DIP2B: variants seen among roughly 807,000 people sequenced by gnomAD.
DIP2B encodes disco-interacting protein 2 homolog B.
A neutral mutation model predicts 198.0 loss-of-function variants in DIP2B; 76 were observed. The observed-to-expected ratio is 0.38, with a 90% confidence interval of 0.32 to 0.46. DIP2B has a LOEUF of 0.46. Among genes scored for constraint, DIP2B ranks in the 20% least tolerant of loss-of-function variants. The pLI is 0.99. For synonymous variants in DIP2B, 701 were observed against 739.1 expected, an observed-to-expected ratio of 0.95 and a Z score of 0.84; for missense variants, 1,559 against 1,978.4, an observed-to-expected ratio of 0.79 and a Z score of 4.02.
intron 10 of DIP2B, among the ~76,000 whole-genome samples, chr12:50,683,936 A>AC (rs1939088920): frequency 6.6e-6 from 1 of 151,940 alleles, no homozygotes; most frequent in South Asian, 2.1e-4. Flanking sequence ...ACATAGGGAG[A>AC]CCCCATCTCT....
At chr12:50,712,032 G>T (rs1330815787) in intron 22 of DIP2B, among the ~76,000 whole-genome samples, 1 of 152,124 alleles carries the variant, frequency 6.6e-6, no homozygotes. Flanking sequence ...AAATTAGCTA[G>T]ACGCCACTGC....
intron 1 of DIP2B, among the ~76,000 whole-genome samples, chr12:50,565,440 C>T (rs1299131136): frequency 2.0e-5 from 3 of 152,088 alleles, no homozygotes; most frequent in Admixed American, 1.3e-4. Flanking sequence ...GGACTACAGG[C>T]GCCCGCCACC....
intron 1 of DIP2B, among the ~76,000 whole-genome samples, chr12:50,616,385 A>C (rs1937700848): frequency 6.6e-6 from 1 of 152,228 alleles, no homozygotes; most frequent in African/African-American, 2.4e-5. Flanking sequence ...AGACTTTTAG[A>C]ACCACTTATT....
At chr12:50,593,885 T>TCCTCC (rs1565837507) in intron 1 of DIP2B, among the ~76,000 whole-genome samples, 1 of 8,104 alleles carries the variant, frequency 1.2e-4, no homozygotes, top group African/African-American at 6.2e-4. Flanking sequence ...TCCTCCCCTC[T>TCCTCC]CCTCCCCTCC....
At chr12:50,708,770 A>T (rs553186101) in intron 22 of DIP2B, among the ~76,000 whole-genome samples, 1 of 152,360 alleles carries the variant, frequency 6.6e-6, no homozygotes, top group Admixed American at 6.5e-5. Context: ...GCCAAAAATA[A>T]TGGAATTGAC....
rs182085394 is a variant in DIP2B, at chr12:50,678,687, C to G, written c.925C>G (p.Pro309Ala). ...DSEEIVEVPQPDPNQPKPEGR... is the reference protein window; with the variant it reads ...DSEEIVEVPQADPNQPKPEGR... The stretch of plus-strand genomic sequence containing the variant: ...GGATTTTCCTGGTACAGTACCTCAG[C>G]CAGACCCCAACCAGCCCAAGCCGGA... The change falls in exon 8 of 38, where the codon CCA becomes GCA. Residue 309 changes from proline to alanine, a missense_variant. By Grantham distance (27) the Pro-to-Ala change is conservative. Transcript: ENST00000301180. 4.3e-6 allele frequency: 7 copies of G among 1,613,906 alleles called. No homozygotes were observed. The highest frequency in any genetic ancestry group is 5.9e-6 in the Non-Finnish European group (7 of 1,179,868).
Position 50,699,109 on chromosome 12 carries a change from C to T in DIP2B, c.2232C>T (p.Cys744=). 1 of 1,614,164 alleles carries T rather than the reference C, an allele frequency of 6.2e-7. No homozygotes were observed. Among genetic ancestry groups the T allele is most frequent in the East Asian group, 2.2e-5 (1 of 44,886 alleles). Residue 744 remains cysteine (C), a synonymous_variant, in exon 19 of 38, where the codon TGC becomes TGT. Coordinates refer to ENST00000301180, the MANE Select transcript of DIP2B (RefSeq NM_173602.3). ...IVKPDGPPQL[C]KTDEIGEICV... ...AACCAGATGGACCTCCCCAGCTCTG[C>T]AAAACAGATGAAATTGGAGAAATCT...
At chr12:50,535,348 T>A (rs1958253969) in intron 1 of DIP2B, among the ~76,000 whole-genome samples, 1 of 151,648 alleles carries the variant, frequency 6.6e-6, no homozygotes, top group Non-Finnish European at 1.5e-5. Context: ...GGACGATTGC[T>A]TGAGCCCAGG....
At chr12:50,696,155 A>G (rs933768809) in intron 16 of DIP2B, among the ~76,000 whole-genome samples, 188 bp downstream of exon 16, 2 of 152,150 alleles carry the variant, frequency 1.3e-5, no homozygotes, top group African/African-American at 4.8e-5. Context: ...CATTTTCATC[A>G]CCCAAAAAGA....
chr12:50,579,366 A>G (rs989809925), intron 1 of DIP2B, among the ~76,000 whole-genome samples: 1 of 151,728 alleles, frequency 6.6e-6, no homozygotes, highest in Admixed American at 6.6e-5. Flanking sequence ...TAATCCCAAC[A>G]CTTTGGGAGG....
chr12:50,634,794 C>T (rs777419634), intron 2 of DIP2B, among the ~76,000 whole-genome samples: 2 of 151,858 alleles, frequency 1.3e-5, no homozygotes, highest in Non-Finnish European at 2.9e-5. Flanking sequence ...AGCATTAGTG[C>T]CTGATATATA....
At chr12:50,560,502 A>G (rs1427034372) in intron 1 of DIP2B, among the ~76,000 whole-genome samples, 1 of 152,138 alleles carries the variant, frequency 6.6e-6, no homozygotes, top group Non-Finnish European at 1.5e-5. Flanking sequence ...TGGGAGGCGG[A>G]GGTTACAGTG....
intron 15 of DIP2B, 92 bp downstream of exon 15, chr12:50,695,452 C>A (rs1939294227): frequency 5.9e-6 from 7 of 1,186,612 alleles, no homozygotes; most frequent in Non-Finnish European, 8.7e-6. Flanking sequence ...CCTTGTATGC[C>A]CCTGTCCCTT....
intron 22 of DIP2B, among the ~76,000 whole-genome samples, chr12:50,712,419 C>T (rs11169528): frequency 0.29 from 44,094 of 151,256 alleles, 6,620 homozygotes; most frequent in East Asian, 0.41. Flanking sequence ...GCCTGGCCAA[C>T]GTGGTAAAAC....
intron 1 of DIP2B, among the ~76,000 whole-genome samples, chr12:50,551,769 A>G (rs1263054542): frequency 1.3e-5 from 2 of 152,280 alleles, no homozygotes; most frequent in Non-Finnish European, 2.9e-5. Flanking sequence ...TTAAAGCTGA[A>G]TAATGTTCCA....
intron 1 of DIP2B, among the ~76,000 whole-genome samples, chr12:50,539,814 T>G (rs1438688244): frequency 2.6e-5 from 4 of 152,072 alleles, no homozygotes; most frequent in Non-Finnish European, 2.9e-5. Flanking sequence ...GCTTTGTAGT[T>G]TGTATAATCC....
chr12:50,697,819 C>T (rs1592132744), intron 17 of DIP2B, among the ~76,000 whole-genome samples: 1 of 151,814 alleles, frequency 6.6e-6, no homozygotes, highest in East Asian at 1.9e-4. Flanking sequence ...CATGAGCCAC[C>T]AAGCCTGGCC....
intron 1 of DIP2B, among the ~76,000 whole-genome samples, chr12:50,614,785 A>T (rs573420137): frequency 4.6e-5 from 7 of 152,324 alleles, no homozygotes; most frequent in African/African-American, 1.7e-4. Context: ...TTACTGCCTC[A>T]TTGGAAAAAC....
At chr12:50,673,219 A>G (rs1471896383) in intron 5 of DIP2B, among the ~76,000 whole-genome samples, 2 of 152,202 alleles carry the variant, frequency 1.3e-5, no homozygotes, top group African/African-American at 4.8e-5. Context: ...CTATTCAACT[A>G]ATAATTACAG....
Sources: allele counts gnomAD v4.1 joint callset (sites outside exome capture counted in the v4.1 genomes callset), GRCh38; gene constraint gnomAD v4.1.1; transcripts MANE v1.5; gene names NCBI Gene and HGNC (gene_info 2026-07-23, HGNC 2026-07-21).